CNTNAP2: variants seen among roughly 807,000 people sequenced by gnomAD.
The protein encoded by CNTNAP2 is contactin associated protein 2.
A neutral mutation model predicts 155.2 loss-of-function variants in CNTNAP2; 98 were observed. The observed-to-expected ratio is 0.63, with a 90% CI of 0.54 to 0.75. The LOEUF is 0.75. Ranked by LOEUF, CNTNAP2 falls within the 30% of genes least tolerant of loss-of-function variation. The probability of loss-of-function intolerance (pLI) is 0.00; values close to 1 mark genes in which losing one functional copy is unlikely to be tolerated. For synonymous variants in CNTNAP2, 651 were observed against 631.2 expected, an observed-to-expected ratio of 1.03 and a Z score of -0.47; for missense variants, 1,727 against 1,688.1, an observed-to-expected ratio of 1.02 and a Z score of -0.40.
chr7:147,166,370 A>G (rs1179650545), intron 8 of CNTNAP2, among the ~76,000 whole-genome samples: 7 of 152,020 alleles, frequency 4.6e-5, no homozygotes, highest in Admixed American at 3.9e-4. Flanking sequence ...GAATGATACA[A>G]TGGACTTTGG....
At chr7:147,029,411 A>G (rs766941137) in intron 3 of CNTNAP2, among the ~76,000 whole-genome samples, 58 of 152,242 alleles carry the variant, frequency 3.8e-4, no homozygotes, top group Non-Finnish European at 6.9e-4. Context: ...AAGAAACAGC[A>G]ACGAACAAAT....
Position 148,314,419 on chromosome 7 carries a change from G to A in CNTNAP2, c.3475+47293G>A, listed in dbSNP as rs186529290. On this transcript the variant is annotated intron_variant, in intron 21 of 23. Coordinates refer to ENST00000361727, the MANE Select transcript of CNTNAP2 (RefSeq NM_014141.6). ...TGTCAAGTTTGTACTGGGGTCAAGC[G>A]GCATTGCAGAAGAAAATAAGGCATT... 2.6e-3 allele frequency among the ~76,000 whole-genome samples: 396 copies of A among 152,266 alleles called. 1 individual carries two copies. The highest frequency in any genetic ancestry group is 9.1e-3 in the African/African-American group (379 of 41,568).
intron 21 of CNTNAP2, among the ~76,000 whole-genome samples, chr7:148,269,097 A>G (rs1440316670): frequency 2.6e-5 from 4 of 152,130 alleles, no homozygotes; most frequent in Non-Finnish European, 5.9e-5. Context: ...CTGGAGAGGG[A>G]GGCATCCAGA....
intron 1 of CNTNAP2, among the ~76,000 whole-genome samples, chr7:146,152,404 A>G (rs1798065540): frequency 6.6e-6 from 1 of 152,100 alleles, no homozygotes; most frequent in Non-Finnish European, 1.5e-5. Context: ...TGATCAAAGG[A>G]TACAAAATTT....
At chr7:147,818,648 C>T (rs1433965655) in intron 13 of CNTNAP2, among the ~76,000 whole-genome samples, 1 of 152,170 alleles carries the variant, frequency 6.6e-6, no homozygotes, top group Non-Finnish European at 1.5e-5. Context: ...TTAAAAAATG[C>T]AATTCTATCT....
Position 146,815,392 on chromosome 7 carries a change from A to G in CNTNAP2, c.209-24319A>G, listed in dbSNP as rs1461185423. On this transcript the variant is annotated intron_variant, in intron 2 of 23. Transcript: ENST00000361727. ...TGGAAATTTACTGAAATTCGTAATGATTATATTTTATTTCTTTGTAAAATA... is the reference window on the plus strand; with the variant it reads ...TGGAAATTTACTGAAATTCGTAATGGTTATATTTTATTTCTTTGTAAAATA... 6.6e-5 allele frequency among the ~76,000 whole-genome samples: 10 copies of G among 152,276 alleles called. No individual in the cohort carries two copies. In the East Asian group the frequency reaches 1.9e-3, roughly 29 times the overall value.
At chr7:147,874,545 G>A (rs1449662143) in intron 13 of CNTNAP2, among the ~76,000 whole-genome samples, 1 of 152,016 alleles carries the variant, frequency 6.6e-6, no homozygotes, top group Admixed American at 6.5e-5. Flanking sequence ...ACAGCAGGGG[G>A]GCCCTGGGCC....
rs1303558504 is a variant in CNTNAP2 at position 147,300,200 on chromosome 7, G to A, written c.1408G>A (p.Ala470Thr). 1 of 1,613,994 alleles carries A rather than the reference G, an allele frequency of 6.2e-7. No individual in the cohort carries two copies. Among genetic ancestry groups the A allele is most frequent in the Middle Eastern group, 1.7e-4 (1 of 6,060 alleles). ...EVRFLAKENF[A>T]ILTIDGDEAS... Reference sequence around the variant, plus strand: ...TCGCTTCCTAGCCAAGGAAAATTTTGCTATTCTCACCATCGATGGAGATGA... The same window carrying A: ...TCGCTTCCTAGCCAAGGAAAATTTTACTATTCTCACCATCGATGGAGATGA... Residue 470 changes from alanine to threonine, a missense_variant, in exon 9 of 24, where the codon GCT becomes ACT. Transcript: ENST00000361727.
chr7:147,840,268 A>G (rs1312239715), intron 13 of CNTNAP2, among the ~76,000 whole-genome samples: 4 of 152,176 alleles, frequency 2.6e-5, no homozygotes, highest in Non-Finnish European at 5.9e-5. Context: ...ACTGTACAAT[A>G]TATCTGTATA....
At chr7:147,714,539 G>A (rs1324437243) in intron 13 of CNTNAP2, among the ~76,000 whole-genome samples, 1 of 151,946 alleles carries the variant, frequency 6.6e-6, no homozygotes, top group Non-Finnish European at 1.5e-5. Flanking sequence ...TGTTTAGTAT[G>A]CTAATTATGA....
At chr7:147,786,317 A>G (rs1376244664) in intron 13 of CNTNAP2, among the ~76,000 whole-genome samples, 1 of 152,088 alleles carries the variant, frequency 6.6e-6, no homozygotes, top group Non-Finnish European at 1.5e-5. Flanking sequence ...TGGCATGCAT[A>G]CTCTAGGATG....
intron 1 of CNTNAP2, among the ~76,000 whole-genome samples, chr7:146,602,027 G>C (rs1221562635): frequency 1.3e-5 from 2 of 152,100 alleles, no homozygotes; most frequent in African/African-American, 4.8e-5. Flanking sequence ...AAACTTGTAG[G>C]TAAAGACAAA....
chr7:146,555,492 GTCTGTCTATCTA>G (rs200591923), intron 1 of CNTNAP2, among the ~76,000 whole-genome samples: 19,925 of 84,572 alleles, frequency 0.24, 1,631 homozygotes, highest in East Asian at 0.37. Context: ...TGTATCATCT[GTCTGTCTATCTA>G]TCTATCTATC....
At chr7:148,223,595 C>T (rs895339490) in intron 19 of CNTNAP2, among the ~76,000 whole-genome samples, 1 of 152,120 alleles carries the variant, frequency 6.6e-6, no homozygotes, top group African/African-American at 2.4e-5. Flanking sequence ...TTCTTCCTAC[C>T]ATCATTTAGC....
intron 3 of CNTNAP2, among the ~76,000 whole-genome samples, chr7:147,016,497 T>C (rs561755320): frequency 2.8e-4 from 42 of 152,190 alleles, no homozygotes; most frequent in African/African-American, 9.9e-4. Context: ...CAGAAATCCA[T>C]ACAAACTACT....
intron 1 of CNTNAP2, among the ~76,000 whole-genome samples, chr7:146,659,749 C>A (rs150097213): frequency 3.3e-5 from 5 of 152,112 alleles, no homozygotes; most frequent in African/African-American, 7.2e-5. Flanking sequence ...AGGTGGGAAA[C>A]GAACATTAAA....
chr7:147,694,591 T>A (rs1164896565), intron 13 of CNTNAP2, among the ~76,000 whole-genome samples: 2 of 152,190 alleles, frequency 1.3e-5, no homozygotes, highest in African/African-American at 4.8e-5. Context: ...GCCCATTTCA[T>A]CTAGGTCATC....
chr7:146,843,559 A>G (rs1439308964), intron 3 of CNTNAP2, among the ~76,000 whole-genome samples: 1 of 151,068 alleles, frequency 6.6e-6, no homozygotes, highest in African/African-American at 2.4e-5. Context: ...ACATTATTTA[A>G]TAATCTGTGA....
chr7:148,055,488 C>G (rs1025066314), intron 15 of CNTNAP2, among the ~76,000 whole-genome samples: 3 of 152,116 alleles, frequency 2.0e-5, no homozygotes, highest in Non-Finnish European at 4.4e-5. Context: ...AAATCTGTGA[C>G]CTCCAGAGAG....
Sources: allele counts gnomAD v4.1 joint callset (sites outside exome capture counted in the v4.1 genomes callset), GRCh38; gene constraint gnomAD v4.1.1; transcripts MANE v1.5; gene names NCBI Gene and HGNC (gene_info 2026-07-23, HGNC 2026-07-21).